The following EXOC6B variants were observed in gnomAD, a reference collection of about 807,000 sequenced individuals.
EXOC6B encodes the protein SEC15 homolog B.
In EXOC6B, 54 loss-of-function variants were observed where a neutral mutation model predicts 113.5. That is an observed-to-expected ratio of 0.48 (90% CI 0.38 to 0.60). The LOEUF is 0.60. Ranked by LOEUF, EXOC6B falls within the 20% of genes least tolerant of loss-of-function variation. The probability of loss-of-function intolerance (pLI) is 0.00; values close to 1 mark genes in which losing one functional copy is unlikely to be tolerated. For synonymous variants in EXOC6B, 357 were observed against 339.0 expected (o/e 1.05, Z -0.58); for missense variants, 797 against 977.5 (o/e 0.82, Z 2.46).
intron 20 of EXOC6B, among the ~76,000 whole-genome samples, chr2:72,214,117 C>G (rs897180474): frequency 6.6e-6 from 1 of 152,138 alleles, no homozygotes; most frequent in Non-Finnish European, 1.5e-5. Flanking sequence ...CATTTCTGTT[C>G]ATATTGTCAT....
chr2:72,285,436 C>T (rs150786127), intron 20 of EXOC6B, among the ~76,000 whole-genome samples: 39 of 151,826 alleles, frequency 2.6e-4, no homozygotes, highest in African/African-American at 7.5e-4. Context: ...ATCACATGAA[C>T]GAAAGAAAAG....
intron 18 of EXOC6B, among the ~76,000 whole-genome samples, chr2:72,454,602 C>A (rs1017268191): frequency 6.6e-6 from 1 of 152,124 alleles, no homozygotes; most frequent in African/African-American, 2.4e-5. Flanking sequence ...ATTCTAGATT[C>A]TCCTTATTTT....
chr2:72,396,076 T>C (rs116184475), intron 18 of EXOC6B, among the ~76,000 whole-genome samples: 2,980 of 152,200 alleles, frequency 0.02, 35 homozygotes, highest in Non-Finnish European at 0.028. Context: ...CAATCAACTT[T>C]CATACACCTA....
At chr2:72,337,820 C>T (rs1235183476) in intron 19 of EXOC6B, among the ~76,000 whole-genome samples, 1 of 152,024 alleles carries the variant, frequency 6.6e-6, no homozygotes, top group Non-Finnish European at 1.5e-5. Flanking sequence ...TTCTTGTCTT[C>T]CCACATAGAT....
At chr2:72,715,038 G>A (rs182958055) in intron 6 of EXOC6B, among the ~76,000 whole-genome samples, 2 of 152,108 alleles carry the variant, frequency 1.3e-5, no homozygotes, top group African/African-American at 2.4e-5. Context: ...AGGCCGAGGC[G>A]GGTGGATCAC....
intron 20 of EXOC6B, among the ~76,000 whole-genome samples, chr2:72,325,904 G>A (rs1688101065): frequency 6.6e-6 from 1 of 152,014 alleles, no homozygotes; most frequent in Non-Finnish European, 1.5e-5. Flanking sequence ...TTGCTCCCCA[G>A]GGATCCATGC....
chr2:72,745,309 CAA>C (rs1681621836), intron 1 of EXOC6B, among the ~76,000 whole-genome samples: 1 of 151,956 alleles, frequency 6.6e-6, no homozygotes, highest in African/African-American at 2.4e-5. Context: ...AAATAAAACA[CAA>C]GTTAATAAAG....
chr2:72,809,211 A>G (rs1388115081), intron 1 of EXOC6B, among the ~76,000 whole-genome samples: 1 of 152,210 alleles, frequency 6.6e-6, no homozygotes, highest in Non-Finnish European at 1.5e-5. Context: ...TAAAACTTCA[A>G]GCTTAAGCCT....
intron 19 of EXOC6B, among the ~76,000 whole-genome samples, chr2:72,354,659 T>A (rs1011780500): frequency 2.6e-5 from 4 of 152,316 alleles, no homozygotes; most frequent in African/African-American, 9.6e-5. Context: ...GTACTACTCA[T>A]TGACCCATGT....
chr2:72,609,571 C>T (rs1452170782), intron 6 of EXOC6B, among the ~76,000 whole-genome samples: 1 of 149,804 alleles, frequency 6.7e-6, no homozygotes, highest in African/African-American at 2.4e-5. Context: ...ATTAGTAAGT[C>T]CAAACTATTG....
intron 6 of EXOC6B, among the ~76,000 whole-genome samples, chr2:72,634,033 GA>G (rs888518994): frequency 9.3e-5 from 14 of 150,248 alleles, no homozygotes; most frequent in African/African-American, 2.9e-4. Context: ...ATCCAGATGG[GA>G]AAAAAAAAGA....
intron 20 of EXOC6B, among the ~76,000 whole-genome samples, chr2:72,198,994 G>A (rs573693569): frequency 9.2e-5 from 14 of 152,286 alleles, no homozygotes; most frequent in African/African-American, 3.4e-4. Context: ...AAGCTGGAAA[G>A]AACCTCCAAG....
intron 1 of EXOC6B, among the ~76,000 whole-genome samples, chr2:72,815,219 G>A (rs747688394): frequency 3.9e-5 from 6 of 152,096 alleles, no homozygotes; most frequent in Admixed American, 6.6e-5. Context: ...GGCCGGGTGC[G>A]GTGGCTCCCG....
chr2:72,769,929 A>G (rs1326711066), intron 1 of EXOC6B, among the ~76,000 whole-genome samples: 1 of 152,228 alleles, frequency 6.6e-6, no homozygotes, highest in African/African-American at 2.4e-5. Flanking sequence ...ACTTCTCCAC[A>G]GCAACATTGA....
At chr2:72,487,703 A>C (rs1699513735) in intron 16 of EXOC6B, among the ~76,000 whole-genome samples, 1 of 152,152 alleles carries the variant, frequency 6.6e-6, no homozygotes, top group South Asian at 2.1e-4. Context: ...ATGTTATAGC[A>C]TGTCTTTCAA....
At chr2:72,685,831 C>G (rs913765751) in intron 6 of EXOC6B, among the ~76,000 whole-genome samples, 1 of 152,146 alleles carries the variant, frequency 6.6e-6, no homozygotes, top group Non-Finnish European at 1.5e-5. Context: ...ACATGTTTTG[C>G]TTTTTGAGAC....
rs367701483 is a variant in EXOC6B, at chr2:72,674,747, C to T, written c.669+43356G>A. The stretch of plus-strand genomic sequence containing the variant: ...TCAGGAGGCAGAGCTTGCAGTGAGC[C>T]GAGATGGCACCACTGCACTCCAGCC... On this transcript the variant is annotated intron_variant, in intron 6 of 21. Transcript: ENST00000272427. Among the ~76,000 whole-genome samples, 19 of 151,648 alleles carry T rather than the reference C, an allele frequency of 1.3e-4. No individual in the cohort carries two copies. The East Asian group carries it at 3.1e-3, about 25-fold the overall frequency.
rs570067724 is a variant in EXOC6B, at chr2:72,486,224, C to T, written c.1666-5474G>A. On this transcript the variant is annotated intron_variant, in intron 16 of 21. Transcript: ENST00000272427. ...GTCTCTACTAAAATACAAAAATTAG[C>T]TGGGTGTGGTGGCACATGCCTGTAA... 5.3e-5 allele frequency among the ~76,000 whole-genome samples: 8 copies of T among 152,136 alleles called. 1 individual carries two copies. Among genetic ancestry groups the T allele is most frequent in the African/African-American group, 1.9e-4 (8 of 41,514 alleles).
intron 20 of EXOC6B, among the ~76,000 whole-genome samples, chr2:72,202,090 T>C (rs943410941): frequency 2.0e-5 from 3 of 152,238 alleles, no homozygotes; most frequent in African/African-American, 7.2e-5. Flanking sequence ...TAGTCTCTGA[T>C]GGCAAGGAAG....
Sources: gnomAD v4.1 joint callset for allele counts (sites outside exome capture counted in the v4.1 genomes callset) on GRCh38, gnomAD v4.1.1 for gene constraint, MANE v1.5 for transcripts, NCBI Gene and HGNC (gene_info 2026-07-23, HGNC 2026-07-21) for gene names.